Variants in CXCL6 observed in about 807,000 individuals in gnomAD.
CXCL6 encodes C-X-C motif chemokine 6.
CXCL6 carries 18 observed loss-of-function variants against 10.5 expected under a neutral mutation model. The ratio of observed to expected loss-of-function variants is 1.71; its 90% CI spans 1.18 to 2.54. The LOEUF (loss-of-function observed/expected upper bound fraction) is 2.54. Among genes scored for constraint, CXCL6 ranks in the 30% most tolerant of loss-of-function variants. The pLI, the probability that CXCL6 is intolerant of heterozygous loss-of-function variation, is 0.00. For missense variants in CXCL6, 171 were observed against 145.7 expected (o/e 1.17, Z -0.90); for synonymous variants, 82 against 68.3 (o/e 1.20, Z -0.99).
rs2109754811 is a variant in CXCL6, at chr4:73,837,842, G to C, written c.*201G>C. 1 of 431,676 alleles carries C rather than the reference G, an allele frequency of 2.3e-6. No individual in the cohort carries two copies. The highest frequency in any genetic ancestry group is 4.2e-6 in the Non-Finnish European group (1 of 237,666). 26.7% of individuals were successfully genotyped at this position (431,676 alleles called of 1,614,324 possible). A position where few individuals can be genotyped will look rare whatever the true frequency, so the allele number is the denominator to read the frequency against. ...GCTCAGCTAATGAAGTACTAATATA[G>C]TATTTCCACTATTTACTGTTATTTT... On this transcript the variant is annotated 3_prime_UTR_variant, in exon 4 of 4. Coordinates refer to ENST00000226317, the MANE Select transcript of CXCL6 (RefSeq NM_002993.4).
At position 73,836,761 on chromosome 4, in the gene CXCL6, C is replaced by T. The variant is rs929968094; in HGVS notation, c.11C>T (p.Pro4Leu). The change falls in exon 1 of 4, where the codon CCG (proline) becomes CTG (leucine). Residue 4 changes from proline (P) to leucine (L), a missense_variant. Coordinates refer to ENST00000226317, the MANE Select transcript of CXCL6 (RefSeq NM_002993.4). The stretch of plus-strand genomic sequence containing the variant: ...CCTCTCTTGACCACTATGAGCCTCC[C>T]GTCCAGCCGCGCGGCCCGTGTCCCG... MSL[P>L]SSRAARVPGP... 1 of 1,610,112 alleles carries T rather than the reference C, an allele frequency of 6.2e-7. No homozygotes were observed. The highest frequency in any genetic ancestry group is 8.5e-7 in the Non-Finnish European group (1 of 1,178,742).
chr4:73,837,410 A>G, intron 3 of CXCL6, 124 bp downstream of exon 3: 1 of 1,111,192 alleles, frequency 9.0e-7, no homozygotes, highest in Non-Finnish European at 1.3e-6. Context: ...GTTAAGAAGA[A>G]TAAGGAAACT....
In CXCL6 at chr4:73,837,077, T is replaced by C. The variant is rs1213029852; in HGVS notation, c.223T>C (p.Cys75Arg). The C allele has an allele frequency of 1.2e-6, 2 of 1,613,524 alleles. No homozygotes were observed. The highest frequency in any genetic ancestry group is 3.3e-5 in the Admixed American group (2 of 59,930). ...KLQVFPAGPQ[C>R]SKVEVVASLK... ...GCAGGTGTTCCCCGCAGGCCCGCAG[T>C]GCTCCAAGGTGGAAGTGGTGTAAGT... The change falls in exon 2 of 4, where the codon TGC (cysteine) becomes CGC (arginine). Residue 75 changes from cysteine to arginine, a missense_variant. Physicochemically the swap from Cys to Arg is radical, Grantham distance 180. Coordinates refer to ENST00000226317, the MANE Select transcript of CXCL6 (RefSeq NM_002993.4).
intron 3 of CXCL6, 93 bp from the exon 4 acceptor site, chr4:73,837,530 G>C: frequency 7.8e-7 from 1 of 1,280,748 alleles, no homozygotes; most frequent in South Asian, 1.3e-5. Context: ...TGCTTTTATT[G>C]ATTTTTTTCC....
In CXCL6 at chr4:73,837,073, G is replaced by C; in HGVS notation, c.219G>C (p.Pro73=). 1 of 1,613,540 alleles carries C rather than the reference G, an allele frequency of 6.2e-7. No homozygotes were observed. Among genetic ancestry groups the C allele is most frequent in the Non-Finnish European group, 8.5e-7 (1 of 1,179,714 alleles). ...AACTGCAGGTGTTCCCCGCAGGCCC[G>C]CAGTGCTCCAAGGTGGAAGTGGTGT... The part of the protein sequence containing the change: ...IGKLQVFPAG[P]QCSKVEVVAS... The change falls in exon 2 of 4, where the codon CCG becomes CCC. Residue 73 remains proline, a synonymous_variant. Coordinates refer to ENST00000226317, the MANE Select transcript of CXCL6 (RefSeq NM_002993.4).
In CXCL6 at chr4:73,837,088, G is replaced by A. The variant is rs1731119761; in HGVS notation, c.234G>A (p.Val78=). The change falls in exon 2 of 4, where the codon GTG becomes GTA. Residue 78 remains valine (V), a synonymous_variant. Transcript: ENST00000226317. ...VFPAGPQCSK[V]EVVASLKNGK... is the part of the protein sequence containing the mutation. ...CCGCAGGCCCGCAGTGCTCCAAGGT[G>A]GAAGTGGTGTAAGTTCTCCTGTGTT... The A allele has an allele frequency of 6.2e-7, 1 of 1,613,330 alleles. No homozygotes were observed. The highest frequency in any genetic ancestry group is 1.7e-5 in the Admixed American group (1 of 59,926).
Position 73,837,609 on chromosome 4 carries a change from T to C in CXCL6, c.327-14T>C. 6.4e-7 allele frequency: 1 copy of C among 1,563,960 alleles called. No homozygotes were observed. The highest frequency in any genetic ancestry group is 1.2e-5 in the South Asian group (1 of 82,456). On this transcript the variant is annotated splice_polypyrimidine_tract_variant and intron_variant, in intron 3 of 3. Transcript: ENST00000226317. ...TGGGAATTGGTTATACTAATATAAC[T>C]CTTTTCTCAACAGTGGAAACAAGAA...
rs750891143 is a variant in CXCL6, at chr4:73,836,881, G to A, written c.109+22G>A. ...AGCGGTGAGAGCTCCTGGCACTGGGGTGCATCCCAGCCTCTGCGGGGCCGC... is the reference window on the plus strand; with the variant it reads ...AGCGGTGAGAGCTCCTGGCACTGGGATGCATCCCAGCCTCTGCGGGGCCGC... On this transcript the variant is annotated intron_variant, in intron 1 of 3. Transcript: ENST00000226317. The A allele has an allele frequency of 5.0e-6, 8 of 1,611,632 alleles. No homozygotes were observed. In the African/African-American group the frequency reaches 6.7e-5, roughly 13 times the overall value.
rs1385618884 is a variant in CXCL6 at position 73,838,595 on chromosome 4, A to G, written c.*954A>G. 6.6e-6 allele frequency: 1 copy of G among 152,616 alleles called. No individual in the cohort carries two copies. The highest frequency in any genetic ancestry group is 1.5e-5 in the Non-Finnish European group (1 of 68,022). 9.5% of individuals were successfully genotyped at this position (152,616 alleles called of 1,614,324 possible). ...TATATAGCATTGCTAAGATTTTCAG[A>G]TATCTATTGTGGATCTTTTAAAGGT... On this transcript the variant is annotated 3_prime_UTR_variant, in exon 4 of 4. Coordinates refer to ENST00000226317, the MANE Select transcript of CXCL6 (RefSeq NM_002993.4).
intron 2 of CXCL6, 31 bp downstream of exon 2, chr4:73,837,127 T>C: frequency 6.2e-7 from 1 of 1,613,154 alleles, no homozygotes. Flanking sequence ...GTGTCCACTG[T>C]GACTTAGGCA....
rs939821662 is a variant in CXCL6, at chr4:73,838,173, A to G, written c.*532A>G. 6.6e-6 allele frequency: 1 copy of G among 152,262 alleles called. No homozygotes were observed. Among genetic ancestry groups the G allele is most frequent in the Admixed American group, 6.5e-5 (1 of 15,278 alleles). The allele number at this position is 152,262 out of a possible 1,614,324, so 9.4% of individuals were successfully genotyped here. ...GCTATTTAAGTTGTACTGTATTAGA[A>G]CACTGGGTGTGTCATACCGTTATCT... On this transcript the variant is annotated 3_prime_UTR_variant, in exon 4 of 4. Transcript: ENST00000226317.
rs375976441 is a variant in CXCL6 at position 73,836,774 on chromosome 4, G to C, written c.24G>C (p.Ala8=). The C allele has an allele frequency of 6.2e-7, 1 of 1,611,170 alleles. No individual in the cohort carries two copies. ...CTATGAGCCTCCCGTCCAGCCGCGC[G>C]GCCCGTGTCCCGGGTCCTTCGGGCT... The part of the protein sequence containing the change: MSLPSSR[A]ARVPGPSGSL... Residue 8 remains alanine (A), a synonymous_variant, in exon 1 of 4, where the codon GCG becomes GCC. Transcript: ENST00000226317.
At chr4:73,837,564 A>G in intron 3 of CXCL6, 59 bp from the exon 4 acceptor site, 2 of 1,536,550 alleles carry the variant, frequency 1.3e-6, no homozygotes, top group Non-Finnish European at 1.8e-6. Flanking sequence ...TTTGAAAACC[A>G]AATGTAGCAT....
rs1001466738 is a variant in CXCL6 at position 73,837,358 on chromosome 4, T to C, written c.326+72T>C. ...AAGCATATACTTCACAATGTCCTTA[T>C]TCTCTCTGTAGGATTTAGACTATGC... On this transcript the variant is annotated intron_variant, in intron 3 of 3. Coordinates refer to ENST00000226317, the MANE Select transcript of CXCL6 (RefSeq NM_002993.4). 8.1e-6 allele frequency: 11 copies of C among 1,352,416 alleles called. No homozygotes were observed. The African/African-American group carries it at 1.4e-4, about 18-fold the overall frequency. 83.8% of individuals were successfully genotyped at this position (1,352,416 alleles called of 1,614,324 possible). A position where few individuals can be genotyped will look rare whatever the true frequency, so the allele number is the denominator to read the frequency against.
Position 73,836,745 on chromosome 4 carries a change from A to C in CXCL6, c.-6A>C, listed in dbSNP as rs1177221407. 1.2e-6 allele frequency: 2 copies of C among 1,606,990 alleles called. No homozygotes were observed. Among genetic ancestry groups the C allele is most frequent in the Non-Finnish European group, 1.7e-6 (2 of 1,177,332 alleles). On this transcript the variant is annotated 5_prime_UTR_variant, in exon 1 of 4. Coordinates refer to ENST00000226317, the MANE Select transcript of CXCL6 (RefSeq NM_002993.4). ...TCAGGAACCCGCGAACCCTCTCTTG[A>C]CCACTATGAGCCTCCCGTCCAGCCG...
intron 3 of CXCL6, 162 bp from the exon 4 acceptor site, chr4:73,837,461 T>C: frequency 1.1e-6 from 1 of 911,290 alleles, no homozygotes; most frequent in East Asian, 2.6e-5. Flanking sequence ...ATCACCAATC[T>C]TACATGCCTG....
In CXCL6 at chr4:73,837,768, T is replaced by A; in HGVS notation, c.*127T>A. ...TTTTCCATTTTCTACATGGATTCCC[T>A]ACTTTGAAGAGTGTGGGGGAAAGCC... On this transcript the variant is annotated 3_prime_UTR_variant, in exon 4 of 4. Transcript: ENST00000226317. The A allele has an allele frequency of 1.4e-6, 1 of 726,480 alleles. No homozygotes were observed. The highest frequency in any genetic ancestry group is 2.2e-6 in the Non-Finnish European group (1 of 454,906). 45.0% of individuals were successfully genotyped at this position (726,480 alleles called of 1,614,324 possible).
Position 73,837,026 on chromosome 4 carries a change from G to A in CXCL6, c.172G>A (p.Val58Ile), listed in dbSNP as rs755922386. 1.2e-6 allele frequency: 2 copies of A among 1,613,946 alleles called. No homozygotes were observed. The highest frequency in any genetic ancestry group is 1.7e-5 in the Admixed American group (1 of 59,990). The change falls in exon 2 of 4, where the codon GTA becomes ATA. Residue 58 changes from valine (V) to isoleucine (I), a missense_variant. Physicochemically the swap from Val to Ile is conservative, Grantham distance 29. Transcript: ENST00000226317. ...CACTTGTTTACGCGTTACGCTGAGA[G>A]TAAACCCCAAAACGATTGGTAAACT... ...RCTCLRVTLR[V>I]NPKTIGKLQV...
rs1412203889 is a variant in CXCL6 at position 73,836,755 on chromosome 4, G to A, written c.5G>A (p.Ser2Asn). Residue 2 changes from serine (S) to asparagine (N), a missense_variant, in exon 1 of 4, where the codon AGC (serine) becomes AAC (asparagine). Physicochemically the swap from Ser to Asn is conservative, Grantham distance 46. Coordinates refer to ENST00000226317, the MANE Select transcript of CXCL6 (RefSeq NM_002993.4). ...GCGAACCCTCTCTTGACCACTATGA[G>A]CCTCCCGTCCAGCCGCGCGGCCCGT... M[S>N]LPSSRAARVP... is the part of the protein sequence containing the mutation. 2 of 1,609,344 alleles carry A rather than the reference G, an allele frequency of 1.2e-6. No homozygotes were observed.
Sources: allele counts gnomAD v4.1 joint callset, GRCh38; gene constraint gnomAD v4.1.1; transcripts MANE v1.5; gene names NCBI Gene and HGNC (gene_info 2026-07-23, HGNC 2026-07-21).